Variants in SYTL5 observed in about 807,000 individuals in gnomAD.
SYTL5 encodes the protein synaptotagmin like 5.
SYTL5 carries 34 observed loss-of-function variants against 55.9 expected under a neutral mutation model. That is an observed-to-expected ratio of 0.61 (90% CI 0.46 to 0.81). The LOEUF (loss-of-function observed/expected upper bound fraction) is 0.81, where lower values mean the gene tolerates loss of function less well. SYTL5 is among the 30% of genes least tolerant of loss of function. The pLI, the probability that SYTL5 is intolerant of heterozygous loss-of-function variation, is 0.00. For synonymous variants in SYTL5, 221 were observed against 188.7 expected (o/e 1.17, Z -1.40); for missense variants, 637 against 546.7 (o/e 1.17, Z -1.65).
the SYTL5 span, among the ~76,000 whole-genome samples, chrX:37,997,723 G>C: frequency 8.9e-6 from 1 of 112,567 alleles, no homozygotes; most frequent in Non-Finnish European, 1.9e-5. Flanking sequence ...GCAGGAGGCA[G>C]ACAGGTTCCT....
chrX:38,051,513 T>C (rs1400556333), intron 2 of SYTL5, among the ~76,000 whole-genome samples: 1 of 111,609 alleles, frequency 9.0e-6, no homozygotes, highest in African/African-American at 3.3e-5. Context: ...TTTTTTAAAT[T>C]ATTAATTATT....
At chrX:37,984,664 C>G in the SYTL5 span, among the ~76,000 whole-genome samples, 4 of 110,952 alleles carry the variant, frequency 3.6e-5, no homozygotes, top group Non-Finnish European at 7.6e-5. Context: ...GATACCAAAG[C>G]CAGATAAAGA....
the SYTL5 span, among the ~76,000 whole-genome samples, chrX:37,961,001 G>T: frequency 2.8e-5 from 3 of 108,517 alleles, no homozygotes; most frequent in Admixed American, 2.0e-4. Context: ...TTTCACCGTG[G>T]TCTCGATCTC....
chrX:38,017,680 G>A (rs935212331), intron 1 of SYTL5, among the ~76,000 whole-genome samples: 1 of 107,921 alleles, frequency 9.3e-6, no homozygotes, highest in Non-Finnish European at 1.9e-5. Flanking sequence ...GGCTATGGCT[G>A]AAAAATATCT....
At chrX:38,035,459 C>T (rs1449786700) in intron 2 of SYTL5, among the ~76,000 whole-genome samples, 3 of 110,159 alleles carry the variant, frequency 2.7e-5, no homozygotes, top group Admixed American at 9.6e-5. Flanking sequence ...GGCGTGGTGG[C>T]GGGTGCCTGT....
the SYTL5 span, among the ~76,000 whole-genome samples, chrX:37,910,233 CCT>C: frequency 9.0e-6 from 1 of 111,659 alleles, no homozygotes; most frequent in African/African-American, 3.3e-5. Flanking sequence ...GATCCTGAGG[CCT>C]CTCTCCTTCA....
the SYTL5 span, among the ~76,000 whole-genome samples, chrX:37,931,012 G>T: frequency 8.9e-6 from 1 of 112,098 alleles, no homozygotes; most frequent in African/African-American, 3.2e-5. Flanking sequence ...AAAATATATT[G>T]TCTCTTGATA....
At chrX:38,108,956 G>A (rs941457375) in intron 12 of SYTL5, among the ~76,000 whole-genome samples, 2 of 112,330 alleles carry the variant, frequency 1.8e-5, no homozygotes, top group Admixed American at 9.4e-5. Context: ...AAACTGCATC[G>A]GTGCTGATGC....
At chrX:37,969,089 A>G in the SYTL5 span, among the ~76,000 whole-genome samples, 1 of 111,858 alleles carries the variant, frequency 8.9e-6, no homozygotes, top group Middle Eastern at 4.6e-3. Context: ...TTTTATCCGT[A>G]TAAGTTCCTT....
At chrX:37,959,028 A>G in the SYTL5 span, among the ~76,000 whole-genome samples, 18 of 111,759 alleles carry the variant, frequency 1.6e-4, 1 homozygote, top group Admixed American at 1.6e-3. Flanking sequence ...GCAGCAGTTT[A>G]TACAGGTTGG....
At chrX:37,953,976 CTT>C in the SYTL5 span, among the ~76,000 whole-genome samples, 10 of 111,601 alleles carry the variant, frequency 9.0e-5, no homozygotes, top group Non-Finnish European at 5.7e-5. Context: ...ATCAGTGAAA[CTT>C]GAGATATTCA....
At chrX:38,043,856 TCATAA>T (rs991977423) in intron 2 of SYTL5, among the ~76,000 whole-genome samples, 5 of 108,387 alleles carry the variant, frequency 4.6e-5, no homozygotes, top group Non-Finnish European at 9.6e-5. Context: ...GGATAAGATT[TCATAA>T]CATAAGATTT....
intron 6 of SYTL5, among the ~76,000 whole-genome samples, chrX:38,087,072 G>A (rs756339522): frequency 4.6e-4 from 51 of 111,087 alleles, no homozygotes; most frequent in Non-Finnish European, 8.9e-4. Flanking sequence ...ATGATGGGGC[G>A]TTTCTCAAAA....
At chrX:37,975,892 T>C in the SYTL5 span, among the ~76,000 whole-genome samples, 30 of 111,723 alleles carry the variant, frequency 2.7e-4, no homozygotes, top group Non-Finnish European at 4.3e-4. Context: ...GTACATTTTA[T>C]AAGGTCATGA....
chrX:38,076,423 G>T, intron 5 of SYTL5, 144 bp from the exon 6 acceptor site: 1 of 468,954 alleles, frequency 2.1e-6, no homozygotes, highest in Non-Finnish European at 3.5e-6. Flanking sequence ...AGAGGCACTG[G>T]GAACTCTCCA....
At chrX:38,070,187 A>T (rs1297182986) in intron 3 of SYTL5, among the ~76,000 whole-genome samples, 1 of 112,005 alleles carries the variant, frequency 8.9e-6, no homozygotes, top group Non-Finnish European at 1.9e-5. Flanking sequence ...ATAATTGCTG[A>T]ACAAGCAGAT....
the SYTL5 span, among the ~76,000 whole-genome samples, chrX:37,975,215 G>A: frequency 0.016 from 1,824 of 111,910 alleles, 19 homozygotes; most frequent in Non-Finnish European, 0.024. Flanking sequence ...TTAGAAGCAA[G>A]GGAACTGGAA....
chrX:37,984,535 T>C, the SYTL5 span, among the ~76,000 whole-genome samples: 1 of 111,899 alleles, frequency 8.9e-6, no homozygotes, highest in Non-Finnish European at 1.9e-5. Flanking sequence ...AATGGCTTCA[T>C]TGGTGAATGC....
At chrX:37,915,545 C>A in the SYTL5 span, among the ~76,000 whole-genome samples, 1 of 111,906 alleles carries the variant, frequency 8.9e-6, no homozygotes, top group Non-Finnish European at 1.9e-5. Context: ...AACGGTGGAT[C>A]TAATGACCTA....
Sources: allele counts gnomAD v4.1 joint callset (sites outside exome capture counted in the v4.1 genomes callset), GRCh38; gene constraint gnomAD v4.1.1; transcripts MANE v1.5; gene names NCBI Gene and HGNC (gene_info 2026-07-23, HGNC 2026-07-21).